GSTA3: variants seen among roughly 807,000 people sequenced by gnomAD.
GSTA3 encodes the protein glutathione S-transferase alpha 3, also known as glutathione S-transferase A3.
A neutral mutation model predicts 23.1 loss-of-function variants in GSTA3; 16 were observed. The ratio of observed to expected loss-of-function variants is 0.69; its 90% CI spans 0.47 to 1.05. The LOEUF is 1.05. GSTA3 is among the 50% of genes least tolerant of loss of function. The pLI, the probability that GSTA3 is intolerant of heterozygous loss-of-function variation, is 0.00. For missense variants in GSTA3, 319 were observed against 263.6 expected, an observed-to-expected ratio of 1.21 and a Z score of -1.46; for synonymous variants, 122 against 91.0, an observed-to-expected ratio of 1.34 and a Z score of -1.94.
chr6:52,904,915 A>G (rs1765841365), intron 2 of GSTA3, among the ~76,000 whole-genome samples: 1 of 152,106 alleles, frequency 6.6e-6, no homozygotes, highest in Admixed American at 6.6e-5. Context: ...GTAGACATGT[A>G]TGTAGTCTGC....
chr6:52,901,766 T>C (rs1374478579), intron 4 of GSTA3, among the ~76,000 whole-genome samples: 1 of 152,248 alleles, frequency 6.6e-6, no homozygotes, highest in Non-Finnish European at 1.5e-5. Flanking sequence ...GGAGACCCCA[T>C]GGCTTTGCTG....
At chr6:52,902,222 G>T in intron 4 of GSTA3, 124 bp downstream of exon 4, 2 of 1,166,744 alleles carry the variant, frequency 1.7e-6, no homozygotes, top group African/African-American at 1.5e-5. Context: ...CTGGACCTCA[G>T]TATACACGCC....
chr6:52,899,985 A>C lies in GSTA3; in HGVS notation c.363T>G (p.Ile121Met). ...LCRPEEKDAK[I>M]ALIKEKTKSR... Reference sequence around the variant, plus strand: ...TTTTTGTTTTCTCTTTGATCAAGGCAATCTTGGCATCTTTTTCCTCAGGTC... The same window carrying C: ...TTTTTGTTTTCTCTTTGATCAAGGCCATCTTGGCATCTTTTTCCTCAGGTC... Residue 121 changes from isoleucine to methionine, a missense_variant, in exon 5 of 7, where the codon ATT becomes ATG. By Grantham distance (10) the Ile-to-Met change is conservative. Coordinates refer to ENST00000211122, the MANE Select transcript of GSTA3 (RefSeq NM_000847.5). The C allele has an allele frequency of 6.2e-7, 1 of 1,614,028 alleles. No homozygotes were observed. Among genetic ancestry groups the C allele is most frequent in the Non-Finnish European group, 8.5e-7 (1 of 1,179,944 alleles).
chr6:52,908,099 T>G (rs1184615882), intron 1 of GSTA3, among the ~76,000 whole-genome samples: 1 of 151,338 alleles, frequency 6.6e-6, no homozygotes, highest in Non-Finnish European at 1.5e-5. Flanking sequence ...AGTGCATTGC[T>G]CAAAGTTCAG....
intron 2 of GSTA3, 92 bp downstream of exon 2, chr6:52,905,656 C>T: frequency 1.5e-6 from 1 of 684,544 alleles, no homozygotes; most frequent in East Asian, 3.0e-5. Context: ...AAAATATTCA[C>T]AGGTCATCTA....
intron 3 of GSTA3, among the ~76,000 whole-genome samples, chr6:52,903,258 C>T (rs1160442141): frequency 6.6e-6 from 1 of 151,982 alleles, no homozygotes; most frequent in East Asian, 1.9e-4. Context: ...CCACAGCTAC[C>T]ACCCCACACA....
chr6:52,902,514 T>C, intron 3 of GSTA3, 36 bp from the exon 4 acceptor site: 1 of 1,583,386 alleles, frequency 6.3e-7, no homozygotes, highest in South Asian at 1.2e-5. Context: ...ACATGAAATT[T>C]CTATGAATCC....
chr6:52,900,264 C>CT (rs368457261), intron 4 of GSTA3, among the ~76,000 whole-genome samples, 189 bp from the exon 5 acceptor site: 6,335 of 133,386 alleles, frequency 0.047, 382 homozygotes, highest in African/African-American at 0.13. Context: ...CTTTCTTTTT[C>CT]TTTTTTTTTT....
At chr6:52,900,329 C>G (rs889171536) in intron 4 of GSTA3, among the ~76,000 whole-genome samples, 1 of 144,030 alleles carries the variant, frequency 6.9e-6, no homozygotes. Context: ...GTTATACAAT[C>G]TTGGCTCACT....
chr6:52,898,130 C>G (rs1581856102), intron 5 of GSTA3, among the ~76,000 whole-genome samples, 174 bp from the exon 6 acceptor site: 2 of 152,164 alleles, frequency 1.3e-5, no homozygotes, highest in African/African-American at 4.8e-5. Context: ...GAATGTGGCT[C>G]TGCTCACTCC....
At chr6:52,905,049 CA>C (rs1765845310) in intron 2 of GSTA3, among the ~76,000 whole-genome samples, 1 of 152,194 alleles carries the variant, frequency 6.6e-6, no homozygotes, top group African/African-American at 2.4e-5. Context: ...GGCAGTTTGT[CA>C]CAATCCACTC....
At position 52,905,905 on chromosome 6, in the gene GSTA3, A is replaced by G; in HGVS notation, c.-21-50T>C. ...AATGGATGAATGAATGAGTCTAGAG[A>G]AGCAAAATGCACGCTAGTATATGAA... On this transcript the variant is annotated intron_variant, in intron 1 of 6. Transcript: ENST00000211122. The G allele has an allele frequency of 4.6e-6, 4 of 861,994 alleles. No homozygotes were observed. In the South Asian group the frequency reaches 5.7e-5, roughly 12 times the overall value. 53.4% of individuals were successfully genotyped at this position (861,994 alleles called of 1,614,324 possible). A position where few individuals can be genotyped will look rare whatever the true frequency, so the allele number is the denominator to read the frequency against.
chr6:52,900,068 T>C lies in GSTA3; in HGVS notation c.280A>G (p.Met94Val), dbSNP rs1313721660. ...KDIKERALID[M>V]YTEGMADLNE... Reference sequence around the variant, plus strand: ...AAATCTGCCATACCTTCTGTATACATATCAATTCTGAAAGACAAAAACAGC... The same window carrying C: ...AAATCTGCCATACCTTCTGTATACACATCAATTCTGAAAGACAAAAACAGC... Residue 94 changes from methionine (M) to valine (V), a missense_variant, in exon 5 of 7, where the codon ATG becomes GTG. By Grantham distance (21) the Met-to-Val change is conservative. Transcript: ENST00000211122. The C allele has an allele frequency of 8.1e-6, 13 of 1,600,526 alleles. No individual in the cohort carries two copies. The highest frequency in any genetic ancestry group is 1.1e-5 in the Non-Finnish European group (13 of 1,175,894).
chr6:52,902,252 G>C, intron 4 of GSTA3, 94 bp downstream of exon 4: 1 of 1,497,378 alleles, frequency 6.7e-7, no homozygotes, highest in East Asian at 2.3e-5. Context: ...GCCTGCTCCT[G>C]GTCATGATGC....
At chr6:52,907,198 T>C (rs1460950053) in intron 1 of GSTA3, among the ~76,000 whole-genome samples, 9 of 101,048 alleles carry the variant, frequency 8.9e-5, no homozygotes, top group Non-Finnish European at 7.4e-5. Flanking sequence ...ATGCAGCCAT[T>C]AAGAGCATTT....
At position 52,896,814 on chromosome 6, in the gene GSTA3, T is replaced by A; in HGVS notation, c.661A>T (p.Arg221Trp). 1 of 1,613,994 alleles carries A rather than the reference T, an allele frequency of 6.2e-7. No individual in the cohort carries two copies. The highest frequency in any genetic ancestry group is 8.5e-7 in the Non-Finnish European group (1 of 1,179,878). ...KALEEARKIF[R>W]F ...CCTCCATGGCTGCTTTATTAAAACC[T>A]GAAAATCTTTCTGGCTTCTTCTAAA... The change falls in exon 7 of 7, where the codon AGG becomes TGG. Residue 221 changes from arginine to tryptophan, a missense_variant. By Grantham distance (101) the Arg-to-Trp change is moderately radical (BLOSUM62 -3). Transcript: ENST00000211122.
chr6:52,897,355 C>G (rs1204460765), intron 6 of GSTA3, among the ~76,000 whole-genome samples: 4 of 152,194 alleles, frequency 2.6e-5, no homozygotes, highest in Non-Finnish European at 5.9e-5. Context: ...GTGAGAGATA[C>G]AGGGTTGGGG....
In GSTA3 at chr6:52,899,995, T is replaced by A. The variant is rs745544164; in HGVS notation, c.353A>T (p.Asp118Val). 3.7e-6 allele frequency: 6 copies of A among 1,614,056 alleles called. No individual in the cohort carries two copies. Among genetic ancestry groups the A allele is most frequent in the Middle Eastern group, 1.7e-4 (1 of 6,060 alleles). The change falls in exon 5 of 7, where the codon GAT (aspartate) becomes GTT (valine). Residue 118 changes from aspartate to valine, a missense_variant. Transcript: ENST00000211122. ...LLPLCRPEEK[D>V]AKIALIKEKT... The stretch of plus-strand genomic sequence containing the variant: ...CTCTTTGATCAAGGCAATCTTGGCA[T>A]CTTTTTCCTCAGGTCGACATAAGGG...
At chr6:52,908,833 A>G (rs892214742) in intron 1 of GSTA3, among the ~76,000 whole-genome samples, 3 of 152,134 alleles carry the variant, frequency 2.0e-5, no homozygotes. Context: ...CTTGCCTACT[A>G]CCCTAAAAGT....
Sources: gnomAD v4.1 joint callset for allele counts (sites outside exome capture counted in the v4.1 genomes callset) on GRCh38, gnomAD v4.1.1 for gene constraint, MANE v1.5 for transcripts, NCBI Gene and HGNC (gene_info 2026-07-23, HGNC 2026-07-21) for gene names.